GMDS: variants seen among roughly 807,000 people sequenced by gnomAD.
GMDS encodes GDP-mannose 4,6-dehydratase.
A neutral mutation model predicts 49.9 loss-of-function variants in GMDS; 20 were observed. That is an observed-to-expected ratio of 0.40 (90% CI 0.28 to 0.58). The LOEUF is 0.58. Ranked by LOEUF, GMDS falls within the 20% of genes least tolerant of loss-of-function variation. The probability of loss-of-function intolerance (pLI) is 0.42; values close to 1 mark genes in which losing one functional copy is unlikely to be tolerated. For missense variants in GMDS, 362 were observed against 481.4 expected (o/e 0.75, Z 2.32); for synonymous variants, 177 against 178.6 (o/e 0.99, Z 0.07).
intron 1 of GMDS, among the ~76,000 whole-genome samples, chr6:2,209,605 G>A (rs67069589): frequency 8.4e-4 from 101 of 120,336 alleles, no homozygotes; most frequent in Middle Eastern, 4.4e-3. Flanking sequence ...ACACACACAC[G>A]TTCTCTCTCT....
chr6:1,890,669 T>A (rs1302783138), intron 7 of GMDS, among the ~76,000 whole-genome samples: 3 of 152,168 alleles, frequency 2.0e-5, no homozygotes, highest in African/African-American at 7.2e-5. Flanking sequence ...AAGAAGAGTA[T>A]CTCTCACCTG....
chr6:2,223,500 G>A (rs1780689043), intron 1 of GMDS, among the ~76,000 whole-genome samples: 1 of 152,102 alleles, frequency 6.6e-6, no homozygotes. Context: ...AGAAGACCAG[G>A]TAGGAGGTTA....
At position 1,736,295 on chromosome 6, in the gene GMDS, A is replaced by G. The variant is rs142625711; in HGVS notation, c.890+6173T>C. On this transcript the variant is annotated intron_variant, in intron 8 of 10. Transcript: ENST00000380815. ...TCTTAGAAGTTCAGAAACATAAATG[A>G]TAGTAGGATTCAGATTTCCAGGAGG... Among the ~76,000 whole-genome samples, 73 of 152,336 alleles carry G rather than the reference A, an allele frequency of 4.8e-4. No homozygotes were observed. In the East Asian group the frequency reaches 0.013, roughly 27 times the overall value.
chr6:1,678,774 C>T (rs1764699298), intron 9 of GMDS, among the ~76,000 whole-genome samples: 1 of 152,032 alleles, frequency 6.6e-6, no homozygotes, highest in African/African-American at 2.4e-5. Flanking sequence ...CTGTAATTTC[C>T]TGTGCCAAAA....
At chr6:2,170,761 C>G (rs1490872401) in intron 1 of GMDS, among the ~76,000 whole-genome samples, 1 of 152,006 alleles carries the variant, frequency 6.6e-6, no homozygotes, top group Non-Finnish European at 1.5e-5. Flanking sequence ...TTTGGGAGGC[C>G]GAGGCGGGTG....
At chr6:1,977,504 T>C (rs1764975077) in intron 4 of GMDS, among the ~76,000 whole-genome samples, 1 of 152,146 alleles carries the variant, frequency 6.6e-6, no homozygotes, top group Admixed American at 6.5e-5. Flanking sequence ...CTGCAGTCCA[T>C]GGCACTCATG....
At chr6:1,680,546 G>A (rs757693729) in intron 9 of GMDS, among the ~76,000 whole-genome samples, 12 of 152,186 alleles carry the variant, frequency 7.9e-5, no homozygotes, top group African/African-American at 2.7e-4. Context: ...CTTCTCACAC[G>A]GAAAGCAGCG....
At chr6:1,879,931 C>T (rs1391685551) in intron 7 of GMDS, among the ~76,000 whole-genome samples, 1 of 151,962 alleles carries the variant, frequency 6.6e-6, no homozygotes, top group East Asian at 1.9e-4. Flanking sequence ...CACATGACCT[C>T]GTCTTACATA....
At chr6:1,818,490 C>T (rs536144335) in intron 7 of GMDS, among the ~76,000 whole-genome samples, 2 of 151,738 alleles carry the variant, frequency 1.3e-5, no homozygotes, top group East Asian at 3.9e-4. Flanking sequence ...TACCTGTAAT[C>T]CCAGCTACTC....
At chr6:2,189,883 T>C (rs1001359522) in intron 1 of GMDS, among the ~76,000 whole-genome samples, 2 of 151,470 alleles carry the variant, frequency 1.3e-5, no homozygotes, top group African/African-American at 2.4e-5. Context: ...AGATAACTCA[T>C]GACTCCAGGA....
chr6:1,866,799 GC>G (rs1024252382), intron 7 of GMDS, among the ~76,000 whole-genome samples: 32 of 152,006 alleles, frequency 2.1e-4, no homozygotes, highest in Admixed American at 3.3e-4. Flanking sequence ...GCCACACAGT[GC>G]CCCCCCGGGG....
chr6:1,827,993 C>A (rs1771200687), intron 7 of GMDS, among the ~76,000 whole-genome samples: 1 of 151,786 alleles, frequency 6.6e-6, no homozygotes, highest in Non-Finnish European at 1.5e-5. Flanking sequence ...TTGGACTTAC[C>A]AGATAAATAA....
At chr6:1,924,955 CA>C (rs34895587) in intron 7 of GMDS, among the ~76,000 whole-genome samples, 61,818 of 148,312 alleles carry the variant, frequency 0.42, 13,118 homozygotes, top group Middle Eastern at 0.49. Flanking sequence ...GACTCCGTCT[CA>C]AAAAAAAAAA....
At chr6:2,064,340 T>A (rs1487008154) in intron 4 of GMDS, among the ~76,000 whole-genome samples, 2 of 152,094 alleles carry the variant, frequency 1.3e-5, no homozygotes, top group Admixed American at 6.5e-5. Context: ...GAAATCAGAA[T>A]AAGAAATAAG....
chr6:1,709,051 G>A (rs1047630188), intron 9 of GMDS, among the ~76,000 whole-genome samples: 23 of 152,204 alleles, frequency 1.5e-4, no homozygotes, highest in Admixed American at 7.2e-4. Flanking sequence ...CGTGTACACT[G>A]ACTCAGCTCC....
rs545157248 is a variant in GMDS at position 1,908,588 on chromosome 6, T to A, written c.771+21515A>T. Among the ~76,000 whole-genome samples the A allele has an allele frequency of 4.3e-4, 65 of 152,292 alleles. No individual in the cohort carries two copies. In the Middle Eastern group the frequency reaches 0.024, roughly 56 times the overall value. ...CATCATTCCAGTTAATAAAGAGGCA[T>A]AGAAAGTGCATCACTCTACTCAGCC... On this transcript the variant is annotated intron_variant, in intron 7 of 10. Coordinates refer to ENST00000380815, the MANE Select transcript of GMDS (RefSeq NM_001500.4).
intron 7 of GMDS, among the ~76,000 whole-genome samples, chr6:1,844,713 G>T (rs1180409281): frequency 2.0e-5 from 3 of 152,160 alleles, no homozygotes; most frequent in Non-Finnish European, 2.9e-5. Flanking sequence ...CAAAGAAAAT[G>T]GAAGTTCAAG....
intron 4 of GMDS, among the ~76,000 whole-genome samples, chr6:2,071,053 G>A (rs905192202): frequency 6.6e-6 from 1 of 152,084 alleles, no homozygotes; most frequent in African/African-American, 2.4e-5. Flanking sequence ...CCACCAAGCA[G>A]AGGGAAAGTG....
intron 8 of GMDS, among the ~76,000 whole-genome samples, chr6:1,737,832 C>CACAA (rs1491396522): frequency 8.1e-3 from 6 of 742 alleles, no homozygotes; most frequent in African/African-American, 0.036. Flanking sequence ...AAAGACACAC[C>CACAA]ACACACACAG....
Sources: gnomAD v4.1 joint callset for allele counts (sites outside exome capture counted in the v4.1 genomes callset) on GRCh38, gnomAD v4.1.1 for gene constraint, MANE v1.5 for transcripts, NCBI Gene and HGNC (gene_info 2026-07-23, HGNC 2026-07-21) for gene names.